NCAM2: variants seen among roughly 807,000 people sequenced by gnomAD.
NCAM2 encodes neural cell adhesion molecule 2, also known as N-CAM-2.
Under a neutral mutation model 98.1 loss-of-function variants are expected in NCAM2, and 30 were observed. The ratio of observed to expected loss-of-function variants is 0.31; its 90% CI spans 0.23 to 0.41. The LOEUF (loss-of-function observed/expected upper bound fraction) is 0.41, where lower values mean the gene tolerates loss of function less well. Ranked by LOEUF, NCAM2 falls within the 10% of genes least tolerant of loss-of-function variation. The probability of loss-of-function intolerance (pLI) is 1.00; values close to 1 mark genes in which losing one functional copy is unlikely to be tolerated. For synonymous variants in NCAM2, 368 were observed against 342.4 expected (o/e 1.07, Z -0.83); for missense variants, 867 against 1,005.8 (o/e 0.86, Z 1.87).
intron 5 of NCAM2, among the ~76,000 whole-genome samples, chr21:21,311,610 G>A (rs2074057292): frequency 6.6e-6 from 1 of 151,990 alleles, no homozygotes; most frequent in Admixed American, 6.6e-5. Flanking sequence ...CAAAGTTCTG[G>A]GATTACAGGC....
intron 9 of NCAM2, among the ~76,000 whole-genome samples, chr21:21,407,851 A>G (rs2076774032): frequency 6.6e-6 from 1 of 152,190 alleles, no homozygotes; most frequent in Non-Finnish European, 1.5e-5. Flanking sequence ...AAAGATATAG[A>G]CGTAAACTTA....
At chr21:21,173,874 G>A (rs552180042) in intron 1 of NCAM2, among the ~76,000 whole-genome samples, 2 of 152,126 alleles carry the variant, frequency 1.3e-5, no homozygotes, top group African/African-American at 2.4e-5. Flanking sequence ...AGGCTTGAAG[G>A]GTTGCAAGAC....
intron 17 of NCAM2, among the ~76,000 whole-genome samples, chr21:21,536,177 T>C (rs1221196318): frequency 3.9e-5 from 6 of 152,220 alleles, no homozygotes; most frequent in African/African-American, 1.2e-4. Context: ...TTTTTTAATG[T>C]TTTTTTCATT....
chr21:21,520,955 T>A (rs1988983006), intron 16 of NCAM2, among the ~76,000 whole-genome samples: 1 of 152,118 alleles, frequency 6.6e-6, no homozygotes, highest in Non-Finnish European at 1.5e-5. Context: ...TTACAATGAT[T>A]ATTGGAGAAG....
At chr21:20,999,342 T>C (rs1258230971) in intron 1 of NCAM2, among the ~76,000 whole-genome samples, 1 of 149,622 alleles carries the variant, frequency 6.7e-6, no homozygotes, top group Non-Finnish European at 1.5e-5. Context: ...TGGTGGAAGC[T>C]TTTATCTCTT....
chr21:21,219,680 T>C lies in NCAM2; in HGVS notation c.56-60898T>C, dbSNP rs1190982666. 7.9e-5 allele frequency among the ~76,000 whole-genome samples: 12 copies of C among 152,340 alleles called. No homozygotes were observed. In the South Asian group the frequency reaches 1.2e-3, roughly 16 times the overall value. On this transcript the variant is annotated intron_variant, in intron 1 of 17. Transcript: ENST00000400546. ...TATTTACTACACTATAATTTTATCA[T>C]TATTTTAGAGTGTATCTTTTCTACT... is the stretch of plus-strand genomic sequence containing the variant.
At chr21:21,377,391 T>C (rs1410505153) in intron 9 of NCAM2, among the ~76,000 whole-genome samples, 1 of 151,922 alleles carries the variant, frequency 6.6e-6, no homozygotes, top group Non-Finnish European at 1.5e-5. Context: ...CAATTTAGTT[T>C]ACATTTACAT....
chr21:21,406,800 A>G (rs1402185886), intron 9 of NCAM2, among the ~76,000 whole-genome samples: 2 of 152,224 alleles, frequency 1.3e-5, no homozygotes, highest in Non-Finnish European at 2.9e-5. Context: ...ATATGCTTCC[A>G]TAACTTCATA....
chr21:21,102,138 C>G (rs2066254831), intron 1 of NCAM2, among the ~76,000 whole-genome samples: 1 of 151,982 alleles, frequency 6.6e-6, no homozygotes, highest in South Asian at 2.1e-4. Context: ...AGAGATGAAG[C>G]AAGAGTAAAA....
chr21:21,098,366 G>A (rs1569020762), intron 1 of NCAM2, among the ~76,000 whole-genome samples: 1 of 151,520 alleles, frequency 6.6e-6, no homozygotes. Context: ...CCTTTTTTCT[G>A]TATCTTCATA....
chr21:21,169,101 T>C (rs1199798346), intron 1 of NCAM2, among the ~76,000 whole-genome samples: 1 of 152,142 alleles, frequency 6.6e-6, no homozygotes, highest in Non-Finnish European at 1.5e-5. Context: ...AATAGATCAA[T>C]GAAACCGAGT....
At chr21:21,007,347 C>A (rs1165550704) in intron 1 of NCAM2, among the ~76,000 whole-genome samples, 1 of 152,068 alleles carries the variant, frequency 6.6e-6, no homozygotes, top group Non-Finnish European at 1.5e-5. Flanking sequence ...AGAGAGGATT[C>A]TTGGATCTTG....
intron 1 of NCAM2, among the ~76,000 whole-genome samples, chr21:21,118,068 A>C (rs561330000): frequency 1.3e-5 from 2 of 152,134 alleles, no homozygotes; most frequent in Non-Finnish European, 2.9e-5. Context: ...AATTGAAGAA[A>C]ATTTTCCAAT....
chr21:21,225,438 A>T (rs1435997180), intron 1 of NCAM2, among the ~76,000 whole-genome samples: 1 of 152,046 alleles, frequency 6.6e-6, no homozygotes, highest in African/African-American at 2.4e-5. Context: ...TACCCAACAT[A>T]TATTGTTTCT....
chr21:21,524,928 A>C (rs955885322), intron 16 of NCAM2, among the ~76,000 whole-genome samples: 22 of 152,162 alleles, frequency 1.4e-4, no homozygotes, highest in African/African-American at 5.1e-4. Context: ...TCCAAGAAAA[A>C]ATCTCAAAAG....
intron 1 of NCAM2, chr21:21,239,473 G>A (rs1180451026): frequency 2.0e-5 from 3 of 152,124 alleles, no homozygotes; most frequent in Admixed American, 1.3e-4. Context: ...ATATTACCAG[G>A]TATTCTGGAT....
chr21:21,117,982 T>C (rs1027665160), intron 1 of NCAM2, among the ~76,000 whole-genome samples: 1 of 152,218 alleles, frequency 6.6e-6, no homozygotes, highest in Admixed American at 6.5e-5. Flanking sequence ...AATATATTAA[T>C]AGTGCTAGAA....
chr21:21,532,312 A>C (rs1989749942), intron 16 of NCAM2, among the ~76,000 whole-genome samples: 1 of 152,034 alleles, frequency 6.6e-6, no homozygotes, highest in African/African-American at 2.4e-5. Flanking sequence ...CAGTTAGTAT[A>C]TTATTTGTGT....
intron 1 of NCAM2, among the ~76,000 whole-genome samples, chr21:21,120,509 G>T (rs2066648711): frequency 1.3e-5 from 2 of 152,008 alleles, no homozygotes; most frequent in African/African-American, 2.4e-5. Flanking sequence ...TGGCAGCATG[G>T]GGTAGATTCG....
Sources: allele counts gnomAD v4.1 joint callset (sites outside exome capture counted in the v4.1 genomes callset), GRCh38; gene constraint gnomAD v4.1.1; transcripts MANE v1.5; gene names NCBI Gene and HGNC (gene_info 2026-07-23, HGNC 2026-07-21).